SRBD1: variants seen among roughly 807,000 people sequenced by gnomAD.
SRBD1 encodes the protein S1 RNA-binding domain-containing protein 1.
A neutral mutation model predicts 115.3 loss-of-function variants in SRBD1; 88 were observed. The observed-to-expected ratio is 0.76, with a 90% CI of 0.64 to 0.91. The LOEUF (loss-of-function observed/expected upper bound fraction) is 0.91, where lower values mean the gene tolerates loss of function less well. Among genes scored for constraint, SRBD1 ranks in the 40% least tolerant of loss-of-function variants. SRBD1 has a pLI of 0.00. For missense variants in SRBD1, 1,385 were observed against 1,177.4 expected (o/e 1.18, Z -2.58); for synonymous variants, 509 against 407.7 (o/e 1.25, Z -2.99).
At chr2:45,591,039 T>C (rs942361396) in intron 4 of SRBD1, among the ~76,000 whole-genome samples, 2 of 151,958 alleles carry the variant, frequency 1.3e-5, no homozygotes, top group Admixed American at 6.6e-5. Context: ...CCTCTTTCCT[T>C]TATAAATTAC....
At chr2:45,525,659 G>C (rs1384312952) in intron 14 of SRBD1, among the ~76,000 whole-genome samples, 1 of 151,930 alleles carries the variant, frequency 6.6e-6, no homozygotes, top group African/African-American at 2.4e-5. Flanking sequence ...ATTACACAAT[G>C]TATATGTACT....
At position 45,502,865 on chromosome 2, in the gene SRBD1, G is replaced by C. The variant is rs559143412; in HGVS notation, c.1875-14534C>G. 3.9e-5 allele frequency among the ~76,000 whole-genome samples: 6 copies of C among 152,090 alleles called. No individual in the cohort carries two copies. The East Asian group carries it at 1.2e-3, about 29-fold the overall frequency. On this transcript the variant is annotated intron_variant, in intron 14 of 20. Coordinates refer to ENST00000263736, the MANE Select transcript of SRBD1 (RefSeq NM_018079.5). The stretch of plus-strand genomic sequence containing the variant: ...AAAAAGATATCACTCTGTCACCCAT[G>C]CTGGAGTACAGTGGCATGATCACAG...
Position 45,419,902 on chromosome 2 carries a change from G to T in SRBD1, c.2050-8C>A. 6.2e-7 allele frequency: 1 copy of T among 1,609,560 alleles called. No homozygotes were observed. The highest frequency in any genetic ancestry group is 1.1e-5 in the South Asian group (1 of 91,002). ...AGTCTGGGATACGTCATGCTGAAAA[G>T]ACAAAGATCAAATATTAACAGTGAA... On this transcript the variant is annotated splice_region_variant and splice_polypyrimidine_tract_variant and intron_variant, in intron 16 of 20. Transcript: ENST00000263736.
intron 7 of SRBD1, among the ~76,000 whole-genome samples, chr2:45,576,742 A>G (rs1455474376): frequency 1.3e-5 from 2 of 152,220 alleles, no homozygotes; most frequent in Non-Finnish European, 2.9e-5. Context: ...CAAGTATCCC[A>G]GAGCATCATC....
At chr2:45,545,478 A>G (rs902809102) in intron 14 of SRBD1, among the ~76,000 whole-genome samples, 2 of 152,096 alleles carry the variant, frequency 1.3e-5, no homozygotes, top group Non-Finnish European at 2.9e-5. Context: ...TGTACTTATA[A>G]CCACTACAAA....
chr2:45,499,387 T>C (rs1670557129), intron 14 of SRBD1, among the ~76,000 whole-genome samples: 1 of 152,212 alleles, frequency 6.6e-6, no homozygotes, highest in Admixed American at 6.5e-5. Flanking sequence ...CACTTCCTTA[T>C]ATGTTCTAGT....
chr2:45,509,598 A>AACAC (rs1179307941), intron 14 of SRBD1, among the ~76,000 whole-genome samples: 24,454 of 125,200 alleles, frequency 0.2, 2,514 homozygotes, highest in African/African-American at 0.24. Context: ...TCCGTCTCAA[A>AACAC]ACACACACAC....
At chr2:45,402,576 A>C (rs1013879669) in intron 19 of SRBD1, among the ~76,000 whole-genome samples, 1 of 152,240 alleles carries the variant, frequency 6.6e-6, no homozygotes, top group South Asian at 2.1e-4. Context: ...CCACTTATAG[A>C]AACTAGTATT....
In SRBD1 at chr2:45,421,635, T is replaced by A. The variant is rs545412503; in HGVS notation, c.2050-1741A>T. 4.7e-5 allele frequency among the ~76,000 whole-genome samples: 7 copies of A among 149,690 alleles called. No homozygotes were observed. In the South Asian group the frequency reaches 1.5e-3, roughly 32 times the overall value. On this transcript the variant is annotated intron_variant, in intron 16 of 20. Transcript: ENST00000263736. ...AAGCTAGGTTACAACAATGAATACATTCGCTATTACTCATAATTCTAAAAT... is the reference window on the plus strand; with the variant it reads ...AAGCTAGGTTACAACAATGAATACAATCGCTATTACTCATAATTCTAAAAT...
At chr2:45,551,317 T>A (rs774864979) in intron 11 of SRBD1, 35 bp from the exon 12 acceptor site, 2 of 1,570,136 alleles carry the variant, frequency 1.3e-6, no homozygotes, top group South Asian at 2.4e-5. Context: ...AGTTTTTCAT[T>A]CACCCAAATT....
chr2:45,453,146 T>C (rs1425919908), intron 16 of SRBD1, among the ~76,000 whole-genome samples: 2 of 151,646 alleles, frequency 1.3e-5, no homozygotes, highest in African/African-American at 2.4e-5. Flanking sequence ...CAACAAACTC[T>C]AGGTCTAGGC....
chr2:45,468,532 T>C (rs945050703), intron 16 of SRBD1, among the ~76,000 whole-genome samples: 2 of 151,932 alleles, frequency 1.3e-5, no homozygotes, highest in Admixed American at 1.3e-4. Flanking sequence ...GGACTACATG[T>C]GTGCACCACC....
chr2:45,417,682 G>T lies in SRBD1; in HGVS notation c.2333+683C>A, dbSNP rs1360631744. ...ATCTAACAAGCTTTTGTGCTTTCAG[G>T]ATTAGAAAATAAAGAAATTTAGCTC... On this transcript the variant is annotated intron_variant, in intron 18 of 20. Coordinates refer to ENST00000263736, the MANE Select transcript of SRBD1 (RefSeq NM_018079.5). Among the ~76,000 whole-genome samples the T allele has an allele frequency of 2.6e-5, 4 of 152,186 alleles. No homozygotes were observed. In the South Asian group the frequency reaches 6.2e-4, roughly 24 times the overall value.
At chr2:45,426,791 G>T (rs947444520) in intron 16 of SRBD1, among the ~76,000 whole-genome samples, 8 of 152,090 alleles carry the variant, frequency 5.3e-5, no homozygotes, top group Non-Finnish European at 8.8e-5. Context: ...AAACAGAAAG[G>T]AATAGCATCA....
intron 14 of SRBD1, among the ~76,000 whole-genome samples, chr2:45,501,835 C>T (rs1320832429): frequency 6.6e-6 from 1 of 152,166 alleles, no homozygotes; most frequent in African/African-American, 2.4e-5. Flanking sequence ...AGGAGGCCTG[C>T]CTGCCTCTGT....
intron 4 of SRBD1, among the ~76,000 whole-genome samples, chr2:45,596,947 C>T (rs941484854): frequency 2.5e-4 from 37 of 148,568 alleles, no homozygotes; most frequent in African/African-American, 8.2e-4. Flanking sequence ...CACACACACA[C>T]ACACCCACAA....
chr2:45,589,304 A>T (rs573149342), intron 4 of SRBD1, among the ~76,000 whole-genome samples: 1 of 152,330 alleles, frequency 6.6e-6, no homozygotes, highest in East Asian at 1.9e-4. Context: ...AGAGGGGAAG[A>T]TAAAATATTA....
At position 45,389,538 on chromosome 2, in the gene SRBD1, T is replaced by C. The variant is rs1308991437; in HGVS notation, c.2760A>G (p.Thr920=). 11 of 1,613,972 alleles carry C rather than the reference T, an allele frequency of 6.8e-6. No homozygotes were observed. The highest frequency in any genetic ancestry group is 5.9e-6 in the Non-Finnish European group (7 of 1,179,968). Residue 920 remains threonine, a synonymous_variant, in exon 21 of 21, where the codon ACA becomes ACG. Transcript: ENST00000263736. ...IVCLEDLQIG[T]VLTGKVENAT... Reference sequence around the variant, plus strand: ...CATTCTCAACTTTGCCTGTAAGAACTGTCCCAATCTGCAGATCTTCCAGGC... The same window carrying C: ...CATTCTCAACTTTGCCTGTAAGAACCGTCCCAATCTGCAGATCTTCCAGGC...
intron 9 of SRBD1, among the ~76,000 whole-genome samples, chr2:45,566,353 T>C (rs1672830242): frequency 6.6e-6 from 1 of 152,180 alleles, no homozygotes; most frequent in South Asian, 2.1e-4. Flanking sequence ...GGAGAATCCA[T>C]ATAATGTAAT....
Sources: gnomAD v4.1 joint callset for allele counts (sites outside exome capture counted in the v4.1 genomes callset) on GRCh38, gnomAD v4.1.1 for gene constraint, MANE v1.5 for transcripts, NCBI Gene and HGNC (gene_info 2026-07-23, HGNC 2026-07-21) for gene names.